DEPDC1B: variants seen among roughly 807,000 people sequenced by gnomAD.
DEPDC1B encodes the protein DEP domain-containing protein 1B.
A neutral mutation model predicts 66.5 loss-of-function variants in DEPDC1B; 51 were observed. The ratio of observed to expected loss-of-function variants is 0.77; its 90% CI spans 0.61 to 0.97. The LOEUF (loss-of-function observed/expected upper bound fraction) is 0.97, where lower values mean the gene tolerates loss of function less well. Ranked by LOEUF, DEPDC1B falls within the 50% of genes least tolerant of loss-of-function variation. The probability of loss-of-function intolerance (pLI) is 0.00; values close to 1 mark genes in which losing one functional copy is unlikely to be tolerated. For missense variants in DEPDC1B, 552 were observed against 637.1 expected (o/e 0.87, Z 1.44); for synonymous variants, 226 against 223.6 (o/e 1.01, Z -0.10).
intron 8 of DEPDC1B, among the ~76,000 whole-genome samples, chr5:60,603,832 T>C (rs1584019963): frequency 6.6e-6 from 1 of 150,448 alleles, no homozygotes; most frequent in South Asian, 2.1e-4. Flanking sequence ...TATACATATA[T>C]ATATATATAT....
chr5:60,690,739 T>G (rs73759383), intron 1 of DEPDC1B, among the ~76,000 whole-genome samples: 2,862 of 152,236 alleles, frequency 0.019, 108 homozygotes, highest in African/African-American at 0.066. Context: ...CAGAGTTGTT[T>G]TTTGTTTGTT....
intron 2 of DEPDC1B, among the ~76,000 whole-genome samples, chr5:60,650,686 A>C (rs1753428761): frequency 6.6e-6 from 1 of 152,214 alleles, no homozygotes. Flanking sequence ...TTCAATAAAT[A>C]GTACTGAGCC....
intron 1 of DEPDC1B, among the ~76,000 whole-genome samples, chr5:60,691,210 C>A (rs950309867): frequency 2.0e-5 from 3 of 152,088 alleles, no homozygotes; most frequent in Non-Finnish European, 4.4e-5. Flanking sequence ...TGCGCCACCA[C>A]ACCCAGCTTA....
At chr5:60,685,506 T>C (rs550414377) in intron 2 of DEPDC1B, among the ~76,000 whole-genome samples, 9 of 152,310 alleles carry the variant, frequency 5.9e-5, no homozygotes, top group Admixed American at 4.6e-4. Context: ...GTGTACTCTA[T>C]TTTTTAAAGG....
At chr5:60,609,332 G>A (rs148516480) in intron 7 of DEPDC1B, among the ~76,000 whole-genome samples, 1 of 152,030 alleles carries the variant, frequency 6.6e-6, no homozygotes, top group Admixed American at 6.6e-5. Flanking sequence ...ACTCCTCTAC[G>A]ATTTCTTCCA....
At chr5:60,658,234 C>T (rs940740651) in intron 2 of DEPDC1B, among the ~76,000 whole-genome samples, 1 of 152,144 alleles carries the variant, frequency 6.6e-6, no homozygotes, top group African/African-American at 2.4e-5. Flanking sequence ...GTTGAACTTC[C>T]CCTTTCTCTG....
chr5:60,683,549 A>G (rs1754346457), intron 2 of DEPDC1B, among the ~76,000 whole-genome samples: 1 of 152,214 alleles, frequency 6.6e-6, no homozygotes, highest in Non-Finnish European at 1.5e-5. Context: ...GAAAAAAAGC[A>G]TTAGATAAAA....
chr5:60,605,878 G>A (rs143003782), intron 7 of DEPDC1B, 22 bp from the exon 8 acceptor site: 2 of 1,577,434 alleles, frequency 1.3e-6, no homozygotes, highest in Non-Finnish European at 1.7e-6. Context: ...AAAAAAAAAT[G>A]TTATCTTTCA....
chr5:60,647,075 C>T (rs1197862151), intron 3 of DEPDC1B, among the ~76,000 whole-genome samples: 1 of 152,024 alleles, frequency 6.6e-6, no homozygotes. Flanking sequence ...GCACTTGAAT[C>T]ATCCCGAAAC....
At chr5:60,630,090 G>A (rs1321337279) in intron 7 of DEPDC1B, among the ~76,000 whole-genome samples, 1 of 152,040 alleles carries the variant, frequency 6.6e-6, no homozygotes. Context: ...TTAAGTTTAG[G>A]TCATTAATTT....
intron 7 of DEPDC1B, among the ~76,000 whole-genome samples, chr5:60,629,145 T>C (rs538091538): frequency 7.9e-5 from 12 of 152,334 alleles, no homozygotes; most frequent in African/African-American, 2.6e-4. Context: ...TTTCTTACAT[T>C]GTCCACCATG....
rs560164848 is a variant in DEPDC1B, at chr5:60,648,415, T to C, written c.315-882A>G. Among the ~76,000 whole-genome samples the C allele has an allele frequency of 9.2e-5, 14 of 152,354 alleles. 1 individual carries two copies. The South Asian group carries it at 2.9e-3, about 32-fold the overall frequency. ...TTATTGCTCTTTGTTGAAGACCATA[T>C]AAGCTGGGACTCTAAGGCACTGCAT... On this transcript the variant is annotated intron_variant, in intron 2 of 10. Coordinates refer to ENST00000265036, the MANE Select transcript of DEPDC1B (RefSeq NM_018369.3).
chr5:60,615,752 T>C (rs1752536753), intron 7 of DEPDC1B, among the ~76,000 whole-genome samples: 1 of 152,206 alleles, frequency 6.6e-6, no homozygotes, highest in Non-Finnish European at 1.5e-5. Flanking sequence ...CAATAACCTC[T>C]GCAGACTTAA....
chr5:60,644,330 A>T (rs927346688), intron 5 of DEPDC1B, among the ~76,000 whole-genome samples: 3 of 152,236 alleles, frequency 2.0e-5, no homozygotes. Context: ...CCTTATTAAA[A>T]AGAACCAAGA....
At chr5:60,603,643 G>T in intron 8 of DEPDC1B, 76 bp from the exon 9 acceptor site, 1 of 1,428,492 alleles carries the variant, frequency 7.0e-7, no homozygotes, top group Non-Finnish European at 9.3e-7. Context: ...TTTGCAAAAG[G>T]CAAATATGAG....
intron 2 of DEPDC1B, among the ~76,000 whole-genome samples, chr5:60,674,031 A>T (rs968627859): frequency 6.6e-6 from 1 of 152,216 alleles, no homozygotes; most frequent in Non-Finnish European, 1.5e-5. Context: ...AAATTCAAAA[A>T]ATTGCAAACT....
intron 7 of DEPDC1B, among the ~76,000 whole-genome samples, chr5:60,616,713 T>G (rs895454135): frequency 4.6e-5 from 7 of 152,172 alleles, no homozygotes; most frequent in African/African-American, 9.7e-5. Flanking sequence ...AAAAAACTCT[T>G]CAGGATATTA....
Position 60,700,109 on chromosome 5 carries a change from G to C in DEPDC1B, c.-16C>G, listed in dbSNP as rs982384101. On this transcript the variant is annotated 5_prime_UTR_variant, in exon 1 of 11. Coordinates refer to ENST00000265036, the MANE Select transcript of DEPDC1B (RefSeq NM_018369.3). Reference sequence around the variant, plus strand: ...GATGCTCCATGGCGCGTAGGCAGCAGCGGCCGCAGCCGCGCCAGCGCTGAT... The same window carrying C: ...GATGCTCCATGGCGCGTAGGCAGCACCGGCCGCAGCCGCGCCAGCGCTGAT... 3 of 1,545,112 alleles carry C rather than the reference G, an allele frequency of 1.9e-6. No homozygotes were observed. Among genetic ancestry groups the C allele is most frequent in the Non-Finnish European group, 2.6e-6 (3 of 1,147,520 alleles).
rs141096982 is a variant in DEPDC1B at position 60,644,812 on chromosome 5, C to T, written c.642G>A (p.Ser214=). Residue 214 remains serine (S), a synonymous_variant, in exon 5 of 11, where the codon TCG becomes TCA. Coordinates refer to ENST00000265036, the MANE Select transcript of DEPDC1B (RefSeq NM_018369.3). The stretch of plus-strand genomic sequence containing the variant: ...TATATACATTATGGATGATGAACTT[C>T]GAATTGACAAGTTTGACGTCTAAAA... ...EEVLDVKLVN[S]KFIIHNVYSV... 1.3e-4 allele frequency: 202 copies of T among 1,611,006 alleles called. No homozygotes were observed. In the African/African-American group the frequency reaches 2.1e-3, roughly 17 times the overall value.
Sources: allele counts gnomAD v4.1 joint callset (sites outside exome capture counted in the v4.1 genomes callset), GRCh38; gene constraint gnomAD v4.1.1; transcripts MANE v1.5; gene names NCBI Gene and HGNC (gene_info 2026-07-23, HGNC 2026-07-21).